The following ASB18 variants were observed in gnomAD, a reference collection of about 807,000 sequenced individuals.
The protein encoded by ASB18 is ankyrin repeat and SOCS box protein 18.
ASB18 carries 33 observed loss-of-function variants against 33.4 expected under a neutral mutation model. That is an observed-to-expected ratio of 0.99 (90% CI 0.75 to 1.32). The LOEUF (loss-of-function observed/expected upper bound fraction) is 1.32, where lower values mean the gene tolerates loss of function less well. Ranked by LOEUF, ASB18 falls within the 40% of genes most tolerant of loss-of-function variation. ASB18 has a pLI of 0.00. For synonymous variants in ASB18, 295 were observed against 307.6 expected (o/e 0.96, Z 0.43); for missense variants, 694 against 655.5 (o/e 1.06, Z -0.64).
Position 236,204,350 on chromosome 2 carries a change from G to A in ASB18, c.1102-7965C>T, listed in dbSNP as rs545012959. ...CTTCACTTGGCTTTGAGGAAGGTGT[G>A]CTCTCATTCCTTCCACCTCACTGGT... is the stretch of plus-strand genomic sequence containing the variant. On this transcript the variant is annotated intron_variant, in intron 4 of 5. Transcript: ENST00000409749. This position sits in a 1 kb window ranked among gnomAD's most constrained non-coding sequence, Gnocchi z 5.1. Among the ~76,000 whole-genome samples, 30 of 152,264 alleles carry A rather than the reference G, an allele frequency of 2.0e-4. No homozygotes were observed. In the South Asian group the frequency reaches 5.6e-3, roughly 28 times the overall value.
Position 236,239,015 on chromosome 2 carries a change from G to T in ASB18, c.329-1059C>A, listed in dbSNP as rs549984506. On this transcript the variant is annotated intron_variant, in intron 2 of 5. Transcript: ENST00000409749. This position sits in a 1 kb window ranked among gnomAD's most constrained non-coding sequence, Gnocchi z 5.6. ...TGGAGCTTGTTGTGCACTCAGTGGG[G>T]GAAGGGGGGCCTGTGGGACTGGCAT... 2.8e-4 allele frequency among the ~76,000 whole-genome samples: 42 copies of T among 152,312 alleles called. No individual in the cohort carries two copies. The highest frequency in any genetic ancestry group is 1.0e-3 in the African/African-American group (42 of 41,564).
Position 236,214,520 on chromosome 2 carries a change from G to A in ASB18, c.943C>T (p.His315Tyr). The A allele has an allele frequency of 6.9e-7, 1 of 1,454,806 alleles. No homozygotes were observed. The highest frequency in any genetic ancestry group is 2.8e-5 in the East Asian group (1 of 35,096). The allele number at this position is 1,454,806 out of a possible 1,614,324, so 90.1% of individuals were successfully genotyped here. A position where few individuals can be genotyped will look rare whatever the true frequency, so the allele number is the denominator to read the frequency against. Residue 315 changes from histidine (H) to tyrosine (Y), a missense_variant, in exon 4 of 6, where the codon CAC (histidine) becomes TAC (tyrosine). By Grantham distance (83) the His-to-Tyr change is moderately conservative (BLOSUM62 2). Coordinates refer to ENST00000409749, the MANE Select transcript of ASB18 (RefSeq NM_212556.4). This position sits in a 1 kb window ranked among gnomAD's most constrained non-coding sequence, Gnocchi z 6.5. ...SHSLARLLLR[H>Y]GADAGALDYG... ...TCGAGCGCGCCCGCGTCGGCGCCGTGCCGCAGTAGGAGGCGCGCCAGGCTG... is the reference window on the plus strand; with the variant it reads ...TCGAGCGCGCCCGCGTCGGCGCCGTACCGCAGTAGGAGGCGCGCCAGGCTG...
chr2:236,264,112 C>G lies in ASB18; in HGVS notation c.205+29G>C. On this transcript the variant is annotated intron_variant, in intron 1 of 5. Transcript: ENST00000409749. The surrounding 1 kb of genome is among the most constrained non-coding windows in gnomAD (Gnocchi z 5.1). ...CATCAGTGTAACTTAGTAATTAAATCCCAGATGCAGCAGGCTCGTTCTGGT... is the reference window on the plus strand; with the variant it reads ...CATCAGTGTAACTTAGTAATTAAATGCCAGATGCAGCAGGCTCGTTCTGGT... 6.2e-7 allele frequency: 1 copy of G among 1,605,718 alleles called. No homozygotes were observed. Among genetic ancestry groups the G allele is most frequent in the Non-Finnish European group, 8.5e-7 (1 of 1,174,442 alleles).
In ASB18 at chr2:236,195,993, T is replaced by C. The variant is rs562230044; in HGVS notation, c.1215+279A>G. 1.6e-5 allele frequency: 7 copies of C among 450,890 alleles called. No homozygotes were observed. In the Admixed American group the frequency reaches 2.0e-4, roughly 13 times the overall value. 27.9% of individuals were successfully genotyped at this position (450,890 alleles called of 1,614,324 possible). ...TGGATTCAGGCGGCTCTGGCCTTTCTTTGGACACTGGTTAAGGAACCCTCG... is the reference window on the plus strand; with the variant it reads ...TGGATTCAGGCGGCTCTGGCCTTTCCTTGGACACTGGTTAAGGAACCCTCG... On this transcript the variant is annotated intron_variant, in intron 5 of 5. Transcript: ENST00000409749. The surrounding 1 kb of genome is among the most constrained non-coding windows in gnomAD (Gnocchi z 5.5).
At chr2:236,212,971 G>A (rs1345867108) in intron 4 of ASB18, among the ~76,000 whole-genome samples, 1 of 152,224 alleles carries the variant, frequency 6.6e-6, no homozygotes, top group South Asian at 2.1e-4. Flanking sequence ...AAGGGCTGAA[G>A]TGTGTGTTGG....
At position 236,214,924 on chromosome 2, in the gene ASB18, C is replaced by T; in HGVS notation, c.597-58G>A. ...CACGCAGGACGCCCGCACCCTTCCA[C>T]CCCCGGCCTGCTGCTGCAAAATATC... On this transcript the variant is annotated intron_variant, in intron 3 of 5. Transcript: ENST00000409749. This position sits in a 1 kb window ranked among gnomAD's most constrained non-coding sequence, Gnocchi z 6.5. 8.4e-7 allele frequency: 1 copy of T among 1,191,030 alleles called. No individual in the cohort carries two copies. Among genetic ancestry groups the T allele is most frequent in the Non-Finnish European group, 1.0e-6 (1 of 960,122 alleles). The allele number at this position is 1,191,030 out of a possible 1,614,324, so 73.8% of individuals were successfully genotyped here.
In ASB18 at chr2:236,262,848, C is replaced by T. The variant is rs547551304; in HGVS notation, c.205+1293G>A. Among the ~76,000 whole-genome samples the T allele has an allele frequency of 1.3e-5, 2 of 149,964 alleles. No homozygotes were observed. The highest frequency in any genetic ancestry group is 3.0e-5 in the Non-Finnish European group (2 of 67,678). ...CCCTAAAGCGACTTGCTTAAGTCCC[C>T]ACTGAAAGGCAGCCCAGAAAGTAGA... On this transcript the variant is annotated intron_variant, in intron 1 of 5. Coordinates refer to ENST00000409749, the MANE Select transcript of ASB18 (RefSeq NM_212556.4). The surrounding 1 kb of genome is among the most constrained non-coding windows in gnomAD (Gnocchi z 5.2).
Position 236,241,438 on chromosome 2 carries a change from G to A in ASB18, c.206-36C>T. 1 of 1,613,448 alleles carries A rather than the reference G, an allele frequency of 6.2e-7. No homozygotes were observed. On this transcript the variant is annotated intron_variant, in intron 1 of 5. Transcript: ENST00000409749. The surrounding 1 kb of genome is among the most constrained non-coding windows in gnomAD (Gnocchi z 4.2). ...GGCAGTGTGGTACTCCTGCACCGGG[G>A]ACCCTGCTCTAGCTTGAGGATCCTT...
rs1230411373 is a variant in ASB18, at chr2:236,239,229, C to A, written c.329-1273G>T. Reference sequence around the variant, plus strand: ...TGGTTTTTTGATTCGATTTGTTTTTCTGAGAGATGAAAACTACTTACTGCC... The same window carrying A: ...TGGTTTTTTGATTCGATTTGTTTTTATGAGAGATGAAAACTACTTACTGCC... On this transcript the variant is annotated intron_variant, in intron 2 of 5. Transcript: ENST00000409749. This position sits in a 1 kb window ranked among gnomAD's most constrained non-coding sequence, Gnocchi z 5.6. 6.6e-6 allele frequency among the ~76,000 whole-genome samples: 1 copy of A among 152,184 alleles called. No individual in the cohort carries two copies. Among genetic ancestry groups the A allele is most frequent in the African/African-American group, 2.4e-5 (1 of 41,442 alleles).
chr2:236,218,451 C>T (rs983364249), intron 3 of ASB18, among the ~76,000 whole-genome samples: 1 of 152,142 alleles, frequency 6.6e-6, no homozygotes, highest in Non-Finnish European at 1.5e-5. Flanking sequence ...AAAATAGCAC[C>T]ACTGTACAGT....
In ASB18 at chr2:236,245,199, C is replaced by T. The variant is rs1166947562; in HGVS notation, c.206-3797G>A. ...GGGCAAAGGCTCAGCTCTGGGGCTG[C>T]AGAAGGGCCCATTGGGCTTAGCTCT... On this transcript the variant is annotated intron_variant, in intron 1 of 5. Coordinates refer to ENST00000409749, the MANE Select transcript of ASB18 (RefSeq NM_212556.4). The surrounding 1 kb of genome is among the most constrained non-coding windows in gnomAD (Gnocchi z 4.7). Among the ~76,000 whole-genome samples, 2 of 152,220 alleles carry T rather than the reference C, an allele frequency of 1.3e-5. No individual in the cohort carries two copies. The highest frequency in any genetic ancestry group is 4.8e-5 in the African/African-American group (2 of 41,458).
At position 236,217,079 on chromosome 2, in the gene ASB18, C is replaced by T. The variant is rs974226226; in HGVS notation, c.597-2213G>A. ...CCTCTGTGTTGTCACATGTCTTGCA[C>T]TATGTGCCCAGGCACATTGGTCACC... On this transcript the variant is annotated intron_variant, in intron 3 of 5. Coordinates refer to ENST00000409749, the MANE Select transcript of ASB18 (RefSeq NM_212556.4). This position sits in a 1 kb window ranked among gnomAD's most constrained non-coding sequence, Gnocchi z 5.2. Among the ~76,000 whole-genome samples the T allele has an allele frequency of 6.6e-6, 1 of 152,198 alleles. No homozygotes were observed. The highest frequency in any genetic ancestry group is 2.4e-5 in the African/African-American group (1 of 41,450).
intron 4 of ASB18, among the ~76,000 whole-genome samples, chr2:236,202,377 T>G (rs2060407388): frequency 6.7e-6 from 1 of 149,926 alleles, no homozygotes; most frequent in Admixed American, 6.6e-5. Flanking sequence ...CTCACTCTGG[T>G]CTCACTTTAT....
At chr2:236,197,002 G>A (rs989341365) in intron 4 of ASB18, among the ~76,000 whole-genome samples, 12 of 151,748 alleles carry the variant, frequency 7.9e-5, no homozygotes, top group African/African-American at 1.7e-4. Context: ...ACTTTTTTTT[G>A]TTATGGAGAA....
intron 1 of ASB18, chr2:236,247,266 T>C (rs1036476724): frequency 1.4e-5 from 2 of 147,472 alleles, no homozygotes; most frequent in Admixed American, 6.7e-5. Flanking sequence ...TAGCCACATG[T>C]TGATGATTAC....
In ASB18 at chr2:236,260,482, C is replaced by T. The variant is rs2060712700; in HGVS notation, c.205+3659G>A. Among the ~76,000 whole-genome samples, 1 of 151,412 alleles carries T rather than the reference C, an allele frequency of 6.6e-6. No homozygotes were observed. The highest frequency in any genetic ancestry group is 2.1e-4 in the South Asian group (1 of 4,818). ...AAAATTGTAAAGACCCTACATGTAG[C>T]TTAGAATCCAAACAGCTCTTTCTCC... On this transcript the variant is annotated intron_variant, in intron 1 of 5. Transcript: ENST00000409749. The surrounding 1 kb of genome is among the most constrained non-coding windows in gnomAD (Gnocchi z 5.1).
In ASB18 at chr2:236,238,931, A is replaced by G. The variant is rs1486061625; in HGVS notation, c.329-975T>C. On this transcript the variant is annotated intron_variant, in intron 2 of 5. Transcript: ENST00000409749. This position sits in a 1 kb window ranked among gnomAD's most constrained non-coding sequence, Gnocchi z 5.2. ...GAGCAGCCTTGAAAGTCCATTCATT[A>G]ATTACCTACCCGCATGTGGTGCCGA... 6.6e-6 allele frequency among the ~76,000 whole-genome samples: 1 copy of G among 152,162 alleles called. No homozygotes were observed. The highest frequency in any genetic ancestry group is 1.5e-5 in the Non-Finnish European group (1 of 68,030).
rs1375256656 is a variant in ASB18, at chr2:236,229,361, G to A, written c.596+8328C>T. Among the ~76,000 whole-genome samples, 1 of 152,166 alleles carries A rather than the reference G, an allele frequency of 6.6e-6. No individual in the cohort carries two copies. The highest frequency in any genetic ancestry group is 1.5e-5 in the Non-Finnish European group (1 of 68,030). ...AGAGAGAGGCTGAGCAAAATGAACA[G>A]AGCATCAGTGAACTGTGGAACAATC... On this transcript the variant is annotated intron_variant, in intron 3 of 5. Coordinates refer to ENST00000409749, the MANE Select transcript of ASB18 (RefSeq NM_212556.4). The surrounding 1 kb of genome is among the most constrained non-coding windows in gnomAD (Gnocchi z 5.2).
Position 236,196,519 on chromosome 2 carries a change from C to T in ASB18, c.1102-134G>A, listed in dbSNP as rs1287748820. The T allele has an allele frequency of 9.4e-6, 6 of 635,802 alleles. No homozygotes were observed. Among genetic ancestry groups the T allele is most frequent in the Non-Finnish European group, 1.4e-5 (5 of 347,132 alleles). 39.4% of individuals were successfully genotyped at this position (635,802 alleles called of 1,614,324 possible). A position where few individuals can be genotyped will look rare whatever the true frequency, so the allele number is the denominator to read the frequency against. ...TACGCCCAAGCCACACAGGGAACAGCAACAGAGCAGTACCACAGGGTTGCT... is the reference window on the plus strand; with the variant it reads ...TACGCCCAAGCCACACAGGGAACAGTAACAGAGCAGTACCACAGGGTTGCT... On this transcript the variant is annotated intron_variant, in intron 4 of 5. Coordinates refer to ENST00000409749, the MANE Select transcript of ASB18 (RefSeq NM_212556.4). The surrounding 1 kb of genome is among the most constrained non-coding windows in gnomAD (Gnocchi z 5.6).
Sources: allele counts gnomAD v4.1 joint callset (sites outside exome capture counted in the v4.1 genomes callset), GRCh38; gene constraint gnomAD v4.1.1; non-coding constraint Gnocchi (gnomAD v3.1); transcripts MANE v1.5; gene names NCBI Gene and HGNC (gene_info 2026-07-23, HGNC 2026-07-21).